Variants in GPR19 observed in about 807,000 individuals in gnomAD.
The protein encoded by GPR19 is probable G protein-coupled receptor 19.
A neutral mutation model predicts 28.5 loss-of-function variants in GPR19; 14 were observed. The observed-to-expected ratio is 0.49, with a 90% confidence interval of 0.32 to 0.77. The LOEUF (loss-of-function observed/expected upper bound fraction) is 0.77, where lower values mean the gene tolerates loss of function less well. Ranked by LOEUF, GPR19 falls within the 30% of genes least tolerant of loss-of-function variation. The pLI, the probability that GPR19 is intolerant of heterozygous loss-of-function variation, is 0.03. For missense variants in GPR19, 409 were observed against 504.1 expected (o/e 0.81, Z 1.81); for synonymous variants, 173 against 184.1 (o/e 0.94, Z 0.49).
upstream of GPR19, among the ~76,000 whole-genome samples, chr12:12,699,243 G>A (rs547725566): frequency 6.6e-6 from 1 of 152,190 alleles, no homozygotes; most frequent in African/African-American, 2.4e-5. Context: ...TCGGGAGGCT[G>A]AGGCAGGAGA....
the GPR19 span, among the ~76,000 whole-genome samples, chr12:12,713,150 C>T: frequency 6.6e-5 from 10 of 151,206 alleles, 1 homozygote; most frequent in Admixed American, 2.6e-4. Context: ...CTATAACCTC[C>T]GCCTCCCAGG....
intron 2 of GPR19, among the ~76,000 whole-genome samples, chr12:12,694,387 T>C (rs1946233300): frequency 6.6e-6 from 1 of 150,832 alleles, no homozygotes; most frequent in Non-Finnish European, 1.5e-5. Context: ...TTTTTTTTTT[T>C]AGTAGAGACG....
chr12:12,694,188 CTTTTTTTTTTTTT>C (rs147543699), intron 2 of GPR19, among the ~76,000 whole-genome samples: 2 of 43,808 alleles, frequency 4.6e-5, no homozygotes, highest in East Asian at 6.4e-4. Flanking sequence ...GAGTACCTGT[CTTTTTTTTTTTTT>C]TTTTTTTTTT....
chr12:12,696,616 G>A (rs1203222634), upstream of GPR19, among the ~76,000 whole-genome samples: 1 of 152,128 alleles, frequency 6.6e-6, no homozygotes, highest in African/African-American at 2.4e-5. Context: ...CGTTTTGTTT[G>A]GCTTTTCCGC....
At chr12:12,669,599 C>T (rs1387998817) in intron 3 of GPR19, among the ~76,000 whole-genome samples, 1 of 152,180 alleles carries the variant, frequency 6.6e-6, no homozygotes, top group Non-Finnish European at 1.5e-5. Context: ...TACATTTCTT[C>T]CCAACTCCAG....
chr12:12,661,394 C>T lies in GPR19; in HGVS notation c.1055G>A (p.Cys352Tyr), dbSNP rs1945671076. ...KETFCMSSMK[C>Y]YRSNAYTITT... ...GATAGTATAGGCATTGCTTCGGTAA[C>T]ATTTCATAGAGGACATGCAAAAAGT... The change falls in exon 4 of 4, where the codon TGT becomes TAT. Residue 352 changes from cysteine (C) to tyrosine (Y), a missense_variant. Transcript: ENST00000651487. The surrounding 1 kb of genome is among the most constrained non-coding windows in gnomAD (Gnocchi z 4.2). The T allele has an allele frequency of 6.2e-7, 1 of 1,613,442 alleles. No individual in the cohort carries two copies.
At chr12:12,679,559 A>AG (rs5796503) in intron 3 of GPR19, among the ~76,000 whole-genome samples, 148,630 of 151,490 alleles carry the variant, frequency 0.98, 72,964 homozygotes, top group East Asian at 1. Flanking sequence ...AGGGTATGTT[A>AG]GCCCTAGGAG....
the GPR19 span, among the ~76,000 whole-genome samples, chr12:12,704,270 G>A: frequency 3.9e-5 from 6 of 152,224 alleles, no homozygotes; most frequent in Non-Finnish European, 4.4e-5. Flanking sequence ...GGGAGGCTGA[G>A]ATGGGCGGAT....
chr12:12,662,012 T>G lies in GPR19; in HGVS notation c.437A>C (p.Tyr146Ser). Reference protein sequence around the residue: ...ATCKVVRYFQYLTPGVQIYVL... With the variant: ...ATCKVVRYFQSLTPGVQIYVL... ...GTAGATCTGGACACCTGGAGTGAGA[T>G]ATTGAAAATATCGCACAACCTTGCA... The change falls in exon 4 of 4, where the codon TAT becomes TCT. Residue 146 changes from tyrosine to serine, a missense_variant. Transcript: ENST00000651487. The G allele has an allele frequency of 6.2e-7, 1 of 1,614,212 alleles. No homozygotes were observed. The highest frequency in any genetic ancestry group is 1.1e-5 in the South Asian group (1 of 91,082).
intron 3 of GPR19, among the ~76,000 whole-genome samples, chr12:12,682,324 A>G (rs192304277): frequency 2.6e-5 from 4 of 152,338 alleles, no homozygotes; most frequent in African/African-American, 9.6e-5. Flanking sequence ...TATAAACTTC[A>G]GGCATAATTT....
At chr12:12,689,597 T>C (rs1194914851) in intron 2 of GPR19, among the ~76,000 whole-genome samples, 2 of 151,666 alleles carry the variant, frequency 1.3e-5, no homozygotes, top group African/African-American at 4.9e-5. Context: ...TTTTTTTTTT[T>C]CCTGTAACCT....
At chr12:12,663,980 C>T (rs987476762) in intron 3 of GPR19, among the ~76,000 whole-genome samples, 2 of 152,088 alleles carry the variant, frequency 1.3e-5, no homozygotes, top group African/African-American at 4.8e-5. Context: ...AATGAAAGAA[C>T]GGTTCTTAAT....
chr12:12,707,252 G>A, the GPR19 span, among the ~76,000 whole-genome samples: 1 of 152,174 alleles, frequency 6.6e-6, no homozygotes, highest in Admixed American at 6.6e-5. Flanking sequence ...TTATTGAAAA[G>A]TCCTTCCTTG....
chr12:12,714,097 A>G, the GPR19 span, among the ~76,000 whole-genome samples: 14 of 152,228 alleles, frequency 9.2e-5, no homozygotes, highest in Non-Finnish European at 1.8e-4. Flanking sequence ...GAGGCACTCA[A>G]TAAATATTTG....
upstream of GPR19, among the ~76,000 whole-genome samples, chr12:12,700,233 G>A (rs1163346881): frequency 1.3e-5 from 2 of 151,184 alleles, no homozygotes; most frequent in Non-Finnish European, 2.9e-5. Flanking sequence ...TGTTGCCCAG[G>A]TTGGAGTGCA....
At chr12:12,672,862 C>T (rs1257578943) in intron 3 of GPR19, among the ~76,000 whole-genome samples, 1 of 152,140 alleles carries the variant, frequency 6.6e-6, no homozygotes, top group Non-Finnish European at 1.5e-5. Flanking sequence ...CTTAGTGTGG[C>T]CAGAGTTGTG....
upstream of GPR19, among the ~76,000 whole-genome samples, chr12:12,699,459 T>TG (rs35366678): frequency 0.26 from 39,148 of 152,100 alleles, 5,229 homozygotes; most frequent in African/African-American, 0.32. Flanking sequence ...TCTTAAGTAT[T>TG]GGGGGTAATT....
intron 3 of GPR19, among the ~76,000 whole-genome samples, chr12:12,665,285 C>T (rs73279496): frequency 0.031 from 4,712 of 152,244 alleles, 252 homozygotes; most frequent in African/African-American, 0.11. Flanking sequence ...TCAAGCTCAC[C>T]GCTTTAACTA....
In GPR19 at chr12:12,661,349, G is replaced by A; in HGVS notation, c.1100C>T (p.Ala367Val). 1 of 1,613,778 alleles carries A rather than the reference G, an allele frequency of 6.2e-7. No individual in the cohort carries two copies. Among genetic ancestry groups the A allele is most frequent in the Non-Finnish European group, 8.5e-7 (1 of 1,179,858 alleles). The part of the protein sequence containing the change: ...AYTITTSSRM[A>V]KKNYVGISEI... ...TGAAATGCCAACGTAGTTTTTTTTGGCCATCCTTGAACTTGTTGTGATAGT... is the reference window on the plus strand; with the variant it reads ...TGAAATGCCAACGTAGTTTTTTTTGACCATCCTTGAACTTGTTGTGATAGT... The change falls in exon 4 of 4, where the codon GCC becomes GTC. Residue 367 changes from alanine (A) to valine (V), a missense_variant. Transcript: ENST00000651487. This position sits in a 1 kb window ranked among gnomAD's most constrained non-coding sequence, Gnocchi z 4.2.
Sources: gnomAD v4.1 joint callset for allele counts (sites outside exome capture counted in the v4.1 genomes callset) on GRCh38, gnomAD v4.1.1 for gene constraint, Gnocchi (gnomAD v3.1) non-coding constraint, MANE v1.5 for transcripts, NCBI Gene and HGNC (gene_info 2026-07-23, HGNC 2026-07-21) for gene names.